Variants in ADAMTS5 observed in about 807,000 individuals in gnomAD.
ADAMTS5 encodes A disintegrin and metalloproteinase with thrombospondin motifs 5.
A neutral mutation model predicts 81.4 loss-of-function variants in ADAMTS5; 54 were observed. The ratio of observed to expected loss-of-function variants is 0.66; its 90% CI spans 0.53 to 0.83. The LOEUF (loss-of-function observed/expected upper bound fraction) is 0.83, where lower values mean the gene tolerates loss of function less well. Among genes scored for constraint, ADAMTS5 ranks in the 40% least tolerant of loss-of-function variants. The probability of loss-of-function intolerance (pLI) is 0.00; values close to 1 mark genes in which losing one functional copy is unlikely to be tolerated. For synonymous variants in ADAMTS5, 532 were observed against 508.8 expected (o/e 1.05, Z -0.61); for missense variants, 1,194 against 1,229.9 (o/e 0.97, Z 0.44).
intron 1 of ADAMTS5, among the ~76,000 whole-genome samples, chr21:26,963,174 G>A (rs1041484058): frequency 6.6e-6 from 1 of 152,020 alleles, no homozygotes; most frequent in Middle Eastern, 3.4e-3. Flanking sequence ...TTTGAAAAAT[G>A]CATGTCCTTA....
chr21:26,931,203 C>T lies in ADAMTS5; in HGVS notation c.2049+801G>A, dbSNP rs1040519522. On this transcript the variant is annotated intron_variant, in intron 6 of 7. Transcript: ENST00000284987. ...CTGGGATTACAGGTGTGTGCCACCACGCCCAGCTAATTTTTGTATTTTTAG... is the reference window on the plus strand; with the variant it reads ...CTGGGATTACAGGTGTGTGCCACCATGCCCAGCTAATTTTTGTATTTTTAG... 2.6e-5 allele frequency among the ~76,000 whole-genome samples: 4 copies of T among 152,044 alleles called. No homozygotes were observed. The South Asian group carries it at 6.2e-4, about 24-fold the overall frequency.
At position 26,943,361 on chromosome 21, in the gene ADAMTS5, TCTC is replaced by T. The variant is rs1205191663; in HGVS notation, c.1405+16_1405+18del. The T allele has an allele frequency of 6.3e-7, 1 of 1,597,642 alleles. No homozygotes were observed. The highest frequency in any genetic ancestry group is 1.3e-5 in the African/African-American group (1 of 74,126). On this transcript the variant is annotated intron_variant, in intron 3 of 7. Transcript: ENST00000284987. The stretch of plus-strand genomic sequence containing the variant: ...CCAAATTTTGTTTCTCAGTCTGTGT[TCTC>T]CTAAATGATACATACCATGGCCATC...
At chr21:26,945,241 A>G (rs1195525061) in intron 2 of ADAMTS5, among the ~76,000 whole-genome samples, 1 of 152,064 alleles carries the variant, frequency 6.6e-6, no homozygotes, top group Admixed American at 6.6e-5. Context: ...ATCGCACTCT[A>G]CACTTCCCGA....
rs939891386 is a variant in ADAMTS5, at chr21:26,923,908, G to A, written c.*145C>T. ...GTGCACATCCTCTTTTGGTCACAGAGAGCAGATTCTGCCCATAATTGGACT... is the reference window on the plus strand; with the variant it reads ...GTGCACATCCTCTTTTGGTCACAGAAAGCAGATTCTGCCCATAATTGGACT... On this transcript the variant is annotated 3_prime_UTR_variant, in exon 8 of 8. Transcript: ENST00000284987. 83 of 821,090 alleles carry A rather than the reference G, an allele frequency of 1.0e-4. No individual in the cohort carries two copies. The highest frequency in any genetic ancestry group is 1.4e-4 in the Non-Finnish European group (76 of 542,702). The allele number at this position is 821,090 out of a possible 1,614,324, so 50.9% of individuals were successfully genotyped here.
intron 5 of ADAMTS5, 115 bp downstream of exon 5, chr21:26,932,746 G>A (rs1356109653): frequency 1.7e-5 from 20 of 1,157,382 alleles, no homozygotes; most frequent in African/African-American, 4.8e-5. Context: ...CTGCATATTG[G>A]TGGAACTGTG....
At chr21:26,924,720 CTCTAAAAAGTCT>C in intron 7 of ADAMTS5, 100 bp from the exon 8 acceptor site, 1 of 1,008,056 alleles carries the variant, frequency 9.9e-7, no homozygotes. Flanking sequence ...AACAGAAGTT[CTCTAAAAAGTCT>C]TCTCTTAACA....
intron 2 of ADAMTS5, among the ~76,000 whole-genome samples, chr21:26,946,881 A>C (rs1987225625): frequency 6.6e-6 from 1 of 152,138 alleles, no homozygotes; most frequent in African/African-American, 2.4e-5. Flanking sequence ...AAAAAGAGAA[A>C]GAGTTCTTTT....
In ADAMTS5 at chr21:26,919,168, C is replaced by T. The variant is rs961094225; in HGVS notation, c.*4885G>A. The T allele has an allele frequency of 2.6e-5, 4 of 151,404 alleles. No individual in the cohort carries two copies. Among genetic ancestry groups the T allele is most frequent in the African/African-American group, 9.7e-5 (4 of 41,268 alleles). The allele number at this position is 151,404 out of a possible 1,614,324, so 9.4% of individuals were successfully genotyped here. On this transcript the variant is annotated 3_prime_UTR_variant, in exon 8 of 8. Transcript: ENST00000284987. ...CACCTCAATAAAAATTAGAATTGTTCATTGGGTGTGCCAAAGGAAAGTGGA... is the reference window on the plus strand; with the variant it reads ...CACCTCAATAAAAATTAGAATTGTTTATTGGGTGTGCCAAAGGAAAGTGGA...
chr21:26,955,001 C>A, intron 1 of ADAMTS5, 130 bp from the exon 2 acceptor site: 1 of 1,182,604 alleles, frequency 8.5e-7, no homozygotes, highest in Non-Finnish European at 1.2e-6. Flanking sequence ...TCTCTGGAAA[C>A]GTTCCAAAGG....
intron 3 of ADAMTS5, 66 bp from the exon 4 acceptor site, chr21:26,934,815 C>T (rs1986984389): frequency 6.3e-7 from 1 of 1,576,792 alleles, no homozygotes; most frequent in Non-Finnish European, 8.6e-7. Flanking sequence ...AATCATGGAT[C>T]TAAAAATGAA....
intron 1 of ADAMTS5, 33 bp from the exon 2 acceptor site, chr21:26,954,904 C>A (rs376615329): frequency 1.9e-6 from 3 of 1,610,830 alleles, no homozygotes; most frequent in Non-Finnish European, 2.5e-6. Flanking sequence ...TCATTAAAAT[C>A]AATTTACATC....
chr21:26,963,127 G>C (rs1987561538), intron 1 of ADAMTS5, among the ~76,000 whole-genome samples: 1 of 151,896 alleles, frequency 6.6e-6, no homozygotes, highest in Non-Finnish European at 1.5e-5. Context: ...GGAGACCAGA[G>C]AGGGCCCATG....
intron 3 of ADAMTS5, among the ~76,000 whole-genome samples, chr21:26,938,101 G>A (rs1189207022): frequency 6.6e-6 from 1 of 152,034 alleles, no homozygotes; most frequent in African/African-American, 2.4e-5. Flanking sequence ...TTAGCTGGGT[G>A]TGGTGGCGGG....
chr21:26,932,493 A>T (rs1986929618), intron 5 of ADAMTS5, among the ~76,000 whole-genome samples: 1 of 152,078 alleles, frequency 6.6e-6, no homozygotes, highest in East Asian at 1.9e-4. Context: ...GGAGTGTGAG[A>T]CCAGTCTGGC....
intron 6 of ADAMTS5, among the ~76,000 whole-genome samples, chr21:26,931,631 A>G (rs1453959983): frequency 6.6e-6 from 1 of 152,212 alleles, no homozygotes; most frequent in East Asian, 1.9e-4. Context: ...AGTAAATCAT[A>G]GAAAAATAGA....
chr21:26,954,898 T>TA lies in ADAMTS5; in HGVS notation c.1105-28dup, dbSNP rs776274411. On this transcript the variant is annotated intron_variant, in intron 1 of 7. Coordinates refer to ENST00000284987, the MANE Select transcript of ADAMTS5 (RefSeq NM_007038.5). ...TGCCCAGGAGAAAGAAAGAAATCAT[T>TA]AAAATCAATTTACATCCAGAAGGAG... 7 of 1,611,904 alleles carry TA rather than the reference T, an allele frequency of 4.3e-6. No individual in the cohort carries two copies. In the African/African-American group the frequency reaches 8.0e-5, roughly 18 times the overall value.
Position 26,963,641 on chromosome 21 carries a change from C to CAAAAAAAAAAAAAAAAAA in ADAMTS5, c.1104+1629_1104+1646dup, listed in dbSNP as rs533760778. On this transcript the variant is annotated intron_variant, in intron 1 of 7. Transcript: ENST00000284987. ...ACCCCAGACACGGAAAGTTGCTTAC[C>CAAAAAAAAAAAAAAAAAA]AAAAAAAAAAAAAAAAAAAAAAAAA... Among the ~76,000 whole-genome samples the CAAAAAAAAAAAAAAAAAA allele has an allele frequency of 1.0e-4, 3 of 30,020 alleles. 1 individual carries two copies. Among genetic ancestry groups the CAAAAAAAAAAAAAAAAAA allele is most frequent in the African/African-American group, 1.7e-4 (2 of 11,594 alleles). 19.7% of individuals were successfully genotyped at this position (30,020 alleles called of 152,430 possible).
chr21:26,943,756 C>T (rs1987160504), intron 2 of ADAMTS5, among the ~76,000 whole-genome samples: 2 of 152,116 alleles, frequency 1.3e-5, no homozygotes, highest in Non-Finnish European at 2.9e-5. Flanking sequence ...TCGATGGAAA[C>T]TGAAAAACTA....
At chr21:26,960,884 C>T (rs1987517770) in intron 1 of ADAMTS5, among the ~76,000 whole-genome samples, 1 of 152,166 alleles carries the variant, frequency 6.6e-6, no homozygotes, top group Non-Finnish European at 1.5e-5. Context: ...CTGGCTAACT[C>T]CCACTCTTTC....
Sources: allele counts gnomAD v4.1 joint callset (sites outside exome capture counted in the v4.1 genomes callset), GRCh38; gene constraint gnomAD v4.1.1; transcripts MANE v1.5; gene names NCBI Gene and HGNC (gene_info 2026-07-23, HGNC 2026-07-21).